Variants in GRHL2 observed in about 807,000 individuals in gnomAD.
GRHL2 encodes the protein grainyhead like transcription factor 2.
A neutral mutation model predicts 83.8 loss-of-function variants in GRHL2; 21 were observed. That is an observed-to-expected ratio of 0.25 (90% CI 0.18 to 0.36). The LOEUF is 0.36. Among genes scored for constraint, GRHL2 ranks in the 10% least tolerant of loss-of-function variants. GRHL2 has a pLI of 1.00. For missense variants in GRHL2, 623 were observed against 781.8 expected, an observed-to-expected ratio of 0.80 and a Z score of 2.42; for synonymous variants, 280 against 278.9, an observed-to-expected ratio of 1.00 and a Z score of -0.04.
intron 7 of GRHL2, among the ~76,000 whole-genome samples, chr8:101,596,275 A>G (rs1045324020): frequency 2.0e-5 from 3 of 152,190 alleles, no homozygotes; most frequent in Non-Finnish European, 2.9e-5. Context: ...TTGCATATCA[A>G]TTTGGAAGGA....
At chr8:101,602,475 C>T (rs905425369) in intron 8 of GRHL2, among the ~76,000 whole-genome samples, 2 of 152,148 alleles carry the variant, frequency 1.3e-5, no homozygotes, top group South Asian at 4.1e-4. Context: ...AGGACACAAA[C>T]CTGTGGCCTA....
At chr8:101,570,442 C>G in intron 5 of GRHL2, 48 bp downstream of exon 5, 1 of 1,415,822 alleles carries the variant, frequency 7.1e-7, no homozygotes, top group Non-Finnish European at 1.0e-6. Flanking sequence ...ACTGATAAAC[C>G]TTTAAATGTA....
the GRHL2 span, among the ~76,000 whole-genome samples, chr8:101,679,808 T>G: frequency 6.9e-6 from 1 of 145,860 alleles, no homozygotes; most frequent in African/African-American, 2.6e-5. Flanking sequence ...ACCCAGAATT[T>G]CATGTCCAGC....
intron 8 of GRHL2, among the ~76,000 whole-genome samples, chr8:101,614,734 G>C (rs1423121786): frequency 6.6e-6 from 1 of 152,196 alleles, no homozygotes; most frequent in African/African-American, 2.4e-5. Context: ...TTTGCAAGAT[G>C]AAACAAATGA....
chr8:101,641,679 C>T (rs1283114598), intron 12 of GRHL2, among the ~76,000 whole-genome samples: 1 of 152,120 alleles, frequency 6.6e-6, no homozygotes, highest in African/African-American at 2.4e-5. Context: ...TACATAATAA[C>T]CACCACATTG....
At chr8:101,576,220 GTTT>G (rs1421599022) in intron 6 of GRHL2, among the ~76,000 whole-genome samples, 4 of 152,040 alleles carry the variant, frequency 2.6e-5, no homozygotes, top group Non-Finnish European at 5.9e-5. Context: ...TTTGGTTTTG[GTTT>G]TGGTTTTTGA....
intron 1 of GRHL2, among the ~76,000 whole-genome samples, chr8:101,538,958 G>A (rs1340588762): frequency 6.6e-6 from 1 of 152,176 alleles, no homozygotes; most frequent in African/African-American, 2.4e-5. Context: ...ATCACGTAAG[G>A]ATTCATCAAC....
At chr8:101,677,508 T>G in the GRHL2 span, among the ~76,000 whole-genome samples, 1 of 101,554 alleles carries the variant, frequency 9.8e-6, no homozygotes, top group African/African-American at 4.0e-5. Flanking sequence ...CCAAATAAAG[T>G]GATTAAATAC....
chr8:101,539,263 G>A (rs989865415), intron 1 of GRHL2, among the ~76,000 whole-genome samples: 1 of 152,196 alleles, frequency 6.6e-6, no homozygotes, highest in Non-Finnish European at 1.5e-5. Flanking sequence ...CGTCTCTGAG[G>A]CATGACAGAG....
intron 3 of GRHL2, among the ~76,000 whole-genome samples, chr8:101,553,478 G>A (rs1241999736): frequency 6.6e-6 from 1 of 152,162 alleles, no homozygotes; most frequent in Non-Finnish European, 1.5e-5. Flanking sequence ...TTCAGTCCCA[G>A]GCATGACTTT....
Position 101,610,884 on chromosome 8 carries a change from C to T in GRHL2, c.1099-8655C>T, listed in dbSNP as rs189654791. Among the ~76,000 whole-genome samples the T allele has an allele frequency of 3.8e-3, 575 of 150,946 alleles. 45 individuals carry two copies. Among genetic ancestry groups the T allele is most frequent in the African/African-American group, 0.012 (503 of 40,390 alleles). ...AAAGCAAGTTTATTCAGAAAGCCAA[C>T]ATAACCGAGAAGATGGTGAACTAAT... On this transcript the variant is annotated intron_variant, in intron 8 of 15. Transcript: ENST00000646743.
chr8:101,642,141 G>A (rs1378389425), intron 12 of GRHL2, among the ~76,000 whole-genome samples: 1 of 150,942 alleles, frequency 6.6e-6, no homozygotes, highest in East Asian at 1.9e-4. Flanking sequence ...AAATGGGGCA[G>A]TCATATCTGC....
intron 1 of GRHL2, among the ~76,000 whole-genome samples, chr8:101,497,996 C>T (rs944183469): frequency 6.6e-6 from 1 of 152,212 alleles, no homozygotes; most frequent in Admixed American, 6.5e-5. Context: ...TGCAAAAGAA[C>T]TGATTTGAAG....
chr8:101,552,617 A>T, intron 2 of GRHL2, 98 bp from the exon 3 acceptor site: 1 of 1,085,448 alleles, frequency 9.2e-7, no homozygotes, highest in Non-Finnish European at 1.4e-6. Context: ...CCTGGAGAAC[A>T]TTCCATTTTG....
chr8:101,532,872 T>C (rs1177781999), intron 1 of GRHL2, among the ~76,000 whole-genome samples: 1 of 151,918 alleles, frequency 6.6e-6, no homozygotes, highest in African/African-American at 2.4e-5. Flanking sequence ...GAGAGGACAG[T>C]TGAGACAGAG....
chr8:101,671,466 G>A (rs932342832), downstream of GRHL2, among the ~76,000 whole-genome samples: 1 of 145,040 alleles, frequency 6.9e-6, no homozygotes, highest in African/African-American at 2.9e-5. Context: ...CTGGGGGAGG[G>A]GCACCTGCAA....
chr8:101,552,246 C>T (rs969032521), intron 2 of GRHL2, among the ~76,000 whole-genome samples: 49 of 152,326 alleles, frequency 3.2e-4, no homozygotes, highest in Admixed American at 1.0e-3. Flanking sequence ...TGGCCCGCCC[C>T]GTGCCTAAGC....
At position 101,520,859 on chromosome 8, in the gene GRHL2, C is replaced by T. The variant is rs137923739; in HGVS notation, c.21-22382C>T. 1.1e-3 allele frequency among the ~76,000 whole-genome samples: 167 copies of T among 152,250 alleles called. 3 individuals carry two copies. Among genetic ancestry groups the T allele is most frequent in the African/African-American group, 4.0e-3 (166 of 41,562 alleles). On this transcript the variant is annotated intron_variant, in intron 1 of 15. Transcript: ENST00000646743. ...TCCAACCTGCCTCAGGGACCTTGCA[C>T]ATGCTGTTCCTGTAATGACATTCCT...
intron 7 of GRHL2, among the ~76,000 whole-genome samples, chr8:101,591,701 G>A (rs957226883): frequency 1.3e-5 from 2 of 152,186 alleles, no homozygotes; most frequent in African/African-American, 2.4e-5. Context: ...GCTGAACTTC[G>A]CTGTGGGAGG....
Sources: gnomAD v4.1 joint callset for allele counts (sites outside exome capture counted in the v4.1 genomes callset) on GRCh38, gnomAD v4.1.1 for gene constraint, MANE v1.5 for transcripts, NCBI Gene and HGNC (gene_info 2026-07-23, HGNC 2026-07-21) for gene names.